Variants in STX7 observed in about 807,000 individuals in gnomAD.
STX7 encodes syntaxin-7.
A neutral mutation model predicts 39.6 loss-of-function variants in STX7; 34 were observed. That is an observed-to-expected ratio of 0.86 (90% CI 0.65 to 1.14). The LOEUF (loss-of-function observed/expected upper bound fraction) is 1.14. STX7 is among the 50% of genes most tolerant of loss of function. The pLI is 0.00. For synonymous variants in STX7, 119 were observed against 99.1 expected, an observed-to-expected ratio of 1.20 and a Z score of -1.19; for missense variants, 284 against 310.4, an observed-to-expected ratio of 0.92 and a Z score of 0.64.
rs1774377708 is a variant in STX7 at position 132,460,857 on chromosome 6, A to C, written c.694-7T>G. ...GGGTTTTTCTGGATTTGCGCTGCAG[A>C]CGCAAAAAACAAAACAAAACAAAAA... On this transcript the variant is annotated splice_region_variant and splice_polypyrimidine_tract_variant and intron_variant, in intron 9 of 9. Coordinates refer to ENST00000367941, the MANE Select transcript of STX7 (RefSeq NM_003569.3). 3.7e-6 allele frequency: 6 copies of C among 1,611,016 alleles called. No homozygotes were observed. Among genetic ancestry groups the C allele is most frequent in the East Asian group, 2.2e-5 (1 of 44,794 alleles).
Position 132,471,719 on chromosome 6 carries a change from T to TA in STX7, c.250-120dup. 3 of 1,149,146 alleles carry TA rather than the reference T, an allele frequency of 2.6e-6. No individual in the cohort carries two copies. In the East Asian group the frequency reaches 7.2e-5, roughly 28 times the overall value. The allele number at this position is 1,149,146 out of a possible 1,614,324, so 71.2% of individuals were successfully genotyped here. ...CACTTACTCCCCAATTACAGGGCCT[T>TA]ACAGATTAACTCTCAGTAACATTCT... is the stretch of plus-strand genomic sequence containing the variant. On this transcript the variant is annotated intron_variant, in intron 4 of 9. Coordinates refer to ENST00000367941, the MANE Select transcript of STX7 (RefSeq NM_003569.3).
intron 6 of STX7, 61 bp downstream of exon 6, chr6:132,470,513 C>G (rs1554247657): frequency 8.2e-7 from 1 of 1,222,448 alleles, no homozygotes. Context: ...GTTCCAGGGA[C>G]CTTAATGTAT....
chr6:132,460,596 T>C lies in STX7; in HGVS notation c.*162A>G. ...TCTTTCAGTATTAGAAAATATCAGA[T>C]TTAATCCAAAGGAACCACCCCAACC... is the stretch of plus-strand genomic sequence containing the variant. On this transcript the variant is annotated 3_prime_UTR_variant, in exon 10 of 10. Coordinates refer to ENST00000367941, the MANE Select transcript of STX7 (RefSeq NM_003569.3). 2.0e-6 allele frequency: 1 copy of C among 488,562 alleles called. No individual in the cohort carries two copies. Among genetic ancestry groups the C allele is most frequent in the African/African-American group, 2.0e-5 (1 of 50,420 alleles). 30.3% of individuals were successfully genotyped at this position (488,562 alleles called of 1,614,324 possible).
intron 1 of STX7, among the ~76,000 whole-genome samples, chr6:132,503,909 T>G (rs1370998611): frequency 6.6e-6 from 1 of 152,226 alleles, no homozygotes; most frequent in Non-Finnish European, 1.5e-5. Context: ...TTACATATTT[T>G]TTCCTTAACT....
At chr6:132,502,821 C>A (rs1030949276) in intron 2 of STX7, among the ~76,000 whole-genome samples, 10 of 152,006 alleles carry the variant, frequency 6.6e-5, no homozygotes, top group African/African-American at 2.4e-4. Context: ...ATGGTGTGAA[C>A]CTGGGAGGCG....
At chr6:132,480,291 G>T (rs1371791965) in intron 2 of STX7, among the ~76,000 whole-genome samples, 1 of 152,062 alleles carries the variant, frequency 6.6e-6, no homozygotes, top group East Asian at 1.9e-4. Context: ...ACTCAATCCT[G>T]GCACCACCTG....
chr6:132,507,136 T>C (rs758656956), intron 1 of STX7, among the ~76,000 whole-genome samples: 5 of 152,048 alleles, frequency 3.3e-5, no homozygotes, highest in South Asian at 2.1e-4. Flanking sequence ...TAAGAAGACA[T>C]TGGAGACTCA....
At position 132,455,113 on chromosome 6, in the gene STX7, T is replaced by C. The variant is rs1226707687; in HGVS notation, c.*5645A>G. The C allele has an allele frequency of 1.3e-5, 2 of 152,180 alleles. No individual in the cohort carries two copies. Among genetic ancestry groups the C allele is most frequent in the African/African-American group, 4.8e-5 (2 of 41,446 alleles). 9.4% of individuals were successfully genotyped at this position (152,180 alleles called of 1,614,324 possible). ...TTACTGACAGAAGGATCAGCTTTGATCTGAGAGCTTTTCACCGTCAAGTTT... is the reference window on the plus strand; with the variant it reads ...TTACTGACAGAAGGATCAGCTTTGACCTGAGAGCTTTTCACCGTCAAGTTT... On this transcript the variant is annotated 3_prime_UTR_variant, in exon 10 of 10. Transcript: ENST00000367941.
chr6:132,497,804 T>G (rs1002122890), intron 2 of STX7, among the ~76,000 whole-genome samples: 3 of 152,212 alleles, frequency 2.0e-5, no homozygotes, highest in Non-Finnish European at 4.4e-5. Flanking sequence ...TAGGAGTATG[T>G]CTGACAGAAA....
intron 3 of STX7, 152 bp from the exon 4 acceptor site, chr6:132,472,527 A>G (rs181075773): frequency 1.8e-6 from 1 of 549,832 alleles, no homozygotes; most frequent in Non-Finnish European, 3.2e-6. Flanking sequence ...AAAATTTCAT[A>G]TCCTATTCTT....
chr6:132,460,908 A>G (rs1218071005), intron 9 of STX7, 58 bp from the exon 10 acceptor site: 1 of 1,409,198 alleles, frequency 7.1e-7, no homozygotes, highest in Non-Finnish European at 9.9e-7. Flanking sequence ...TTAGTGGAGT[A>G]CCTCTACAGC....
At chr6:132,461,685 T>G in intron 9 of STX7, 1 of 730,058 alleles carries the variant, frequency 1.4e-6, no homozygotes, top group Non-Finnish European at 2.1e-6. Context: ...TTCTTTAATA[T>G]TAATGGGAAA....
chr6:132,509,395 T>A (rs1775783033), intron 1 of STX7, among the ~76,000 whole-genome samples: 1 of 151,714 alleles, frequency 6.6e-6, no homozygotes, highest in Non-Finnish European at 1.5e-5. Flanking sequence ...GAGGTTGCAG[T>A]GAGCCAAGAT....
chr6:132,502,589 T>C (rs1324372559), intron 2 of STX7, among the ~76,000 whole-genome samples: 2 of 151,952 alleles, frequency 1.3e-5, no homozygotes, highest in Admixed American at 6.6e-5. Context: ...TGGTAATCTA[T>C]CTCTGACAAG....
intron 9 of STX7, chr6:132,461,796 C>T (rs998369296): frequency 1.3e-6 from 2 of 1,504,430 alleles, no homozygotes; most frequent in African/African-American, 1.4e-5. Flanking sequence ...TTCTTCATTC[C>T]TGGTTCAGTT....
chr6:132,509,951 C>T (rs1775806406), intron 1 of STX7, among the ~76,000 whole-genome samples: 1 of 152,156 alleles, frequency 6.6e-6, no homozygotes, highest in Non-Finnish European at 1.5e-5. Context: ...CTTTTGAAAG[C>T]CCACTCAGAA....
chr6:132,491,905 A>G (rs1216688234), intron 2 of STX7, among the ~76,000 whole-genome samples: 3 of 151,768 alleles, frequency 2.0e-5, no homozygotes, highest in Non-Finnish European at 4.4e-5. Flanking sequence ...ACCAACTTAA[A>G]CTCTGGAGTC....
At chr6:132,491,120 C>CAA (rs112995228) in intron 2 of STX7, among the ~76,000 whole-genome samples, 7 of 148,420 alleles carry the variant, frequency 4.7e-5, no homozygotes, top group East Asian at 2.0e-4. Context: ...CATTGAAAAA[C>CAA]AAAAAAAAAT....
At chr6:132,481,510 TAG>T (rs755555744) in intron 2 of STX7, among the ~76,000 whole-genome samples, 6 of 152,234 alleles carry the variant, frequency 3.9e-5, no homozygotes, top group Non-Finnish European at 7.3e-5. Flanking sequence ...TTAGGTTTTA[TAG>T]ATACTGAAAT....
Sources: allele counts gnomAD v4.1 joint callset (sites outside exome capture counted in the v4.1 genomes callset), GRCh38; gene constraint gnomAD v4.1.1; transcripts MANE v1.5; gene names NCBI Gene and HGNC (gene_info 2026-07-23, HGNC 2026-07-21).